The following PTPRC variants were observed in gnomAD, a reference collection of about 807,000 sequenced individuals.
PTPRC encodes receptor-type tyrosine-protein phosphatase C.
In PTPRC, 44 loss-of-function variants were observed where a neutral mutation model predicts 155.9. The ratio of observed to expected loss-of-function variants is 0.28; its 90% CI spans 0.22 to 0.36. The LOEUF is 0.36. Among genes scored for constraint, PTPRC ranks in the 10% least tolerant of loss-of-function variants. The pLI is 1.00. For synonymous variants in PTPRC, 525 were observed against 533.1 expected (o/e 0.98, Z 0.21); for missense variants, 1,401 against 1,564.6 (o/e 0.90, Z 1.76).
chr1:198,662,763 C>A (rs1664050459), intron 2 of PTPRC, among the ~76,000 whole-genome samples: 1 of 152,070 alleles, frequency 6.6e-6, no homozygotes, highest in Non-Finnish European at 1.5e-5. Context: ...CTATAGATAC[C>A]CTTAGCTATT....
chr1:198,726,980 A>G (rs2102469976), intron 15 of PTPRC, among the ~76,000 whole-genome samples: 1 of 150,118 alleles, frequency 6.7e-6, no homozygotes, highest in South Asian at 2.1e-4. Flanking sequence ...CTCATCCCTT[A>G]GCCTCCCAAG....
In PTPRC at chr1:198,696,790, C is replaced by G. The variant is rs1558004428; in HGVS notation, c.179C>G (p.Ala60Gly). The change falls in exon 4 of 33, where the codon GCA (alanine) becomes GGA (glycine). Residue 60 changes from alanine to glycine, a missense_variant. Physicochemically the swap from Ala to Gly is moderately conservative, Grantham distance 60. Around this residue, in one of 3 missense-constraint regions of PTPRC, gnomAD observed 867 missense variants for 970.4 expected, o/e 0.89. Coordinates refer to ENST00000442510, the MANE Select transcript of PTPRC (RefSeq NM_002838.5). ...LPTHTTAFSP[A>G]STFERENDFS... ...ACTCACACCACTGCATTCTCACCCG[C>G]AAGCACCTTTGAAAGAGAAAATGAC... 1.2e-6 allele frequency: 2 copies of G among 1,614,072 alleles called. No individual in the cohort carries two copies. The highest frequency in any genetic ancestry group is 1.7e-5 in the Admixed American group (1 of 60,024).
At chr1:198,673,265 C>T (rs1247783914) in intron 2 of PTPRC, among the ~76,000 whole-genome samples, 1 of 152,146 alleles carries the variant, frequency 6.6e-6, no homozygotes, top group Admixed American at 6.5e-5. Flanking sequence ...TGCACTTACT[C>T]ATTGTAATGT....
rs148811970 is a variant in PTPRC, at chr1:198,722,460, A to G, written c.1704A>G (p.Leu568=). 867 of 1,465,424 alleles carry G rather than the reference A, an allele frequency of 5.9e-4. 6 individuals carry two copies. Among genetic ancestry groups the G allele is most frequent in the Non-Finnish European group, 2.1e-4 (230 of 1,100,254 alleles). 90.8% of individuals were successfully genotyped at this position (1,465,424 alleles called of 1,614,324 possible). A position where few individuals can be genotyped will look rare whatever the true frequency, so the allele number is the denominator to read the frequency against. Residue 568 remains leucine (L), a synonymous_variant, in exon 15 of 33, where the codon TTA becomes TTG. Coordinates refer to ENST00000442510, the MANE Select transcript of PTPRC (RefSeq NM_002838.5). ...ACTATCCTGGAGAACCCTTTATTTT[A>G]CATCATTCAACATCTTGTAAGTTAT... ...NGDYPGEPFI[L]HHSTSYNSKA...
intron 26 of PTPRC, among the ~76,000 whole-genome samples, chr1:198,746,848 T>C (rs1223150894): frequency 6.6e-6 from 1 of 151,824 alleles, no homozygotes; most frequent in African/African-American, 2.4e-5. Context: ...CATCTGGTCC[T>C]TCATGCAGCT....
Position 198,699,682 on chromosome 1 carries a change from C to G in PTPRC, c.417C>G (p.Thr139=). 1.2e-6 allele frequency: 2 copies of G among 1,614,148 alleles called. No homozygotes were observed. The highest frequency in any genetic ancestry group is 1.7e-6 in the Non-Finnish European group (2 of 1,180,036). Residue 139 remains threonine, a synonymous_variant, in exon 5 of 33, where the codon ACC becomes ACG. Coordinates refer to ENST00000442510, the MANE Select transcript of PTPRC (RefSeq NM_002838.5). ...CCGCCAATGCAAAACTCAACCCTAC[C>G]CCAGGCAGCAATGCTATCTCAGGTT... ...GSAANAKLNP[T]PGSNAISDVP...
chr1:198,752,723 T>G lies in PTPRC; in HGVS notation c.3460T>G (p.Ser1154Ala), dbSNP rs1655442748. The G allele has an allele frequency of 6.2e-7, 1 of 1,612,814 alleles. No homozygotes were observed. Among genetic ancestry groups the G allele is most frequent in the Admixed American group, 1.7e-5 (1 of 59,834 alleles). ...VKQKLPQKNS[S>A]EGNKHHKSTP... ...ACAAAAACTTCCCCAGAAGAATTCCTCTGAAGGGAACAAGCATCACAAGAG... is the reference window on the plus strand; with the variant it reads ...ACAAAAACTTCCCCAGAAGAATTCCGCTGAAGGGAACAAGCATCACAAGAG... Residue 1154 changes from serine to alanine, a missense_variant, in exon 31 of 33, where the codon TCT becomes GCT. Coordinates refer to ENST00000442510, the MANE Select transcript of PTPRC (RefSeq NM_002838.5).
At chr1:198,742,082 A>G in intron 24 of PTPRC, 56 bp downstream of exon 24, 1 of 1,605,214 alleles carries the variant, frequency 6.2e-7, no homozygotes, top group East Asian at 2.2e-5. Context: ...AACAGAATCC[A>G]CCTGCCTAGG....
At chr1:198,692,770 CAT>C in intron 3 of PTPRC, 2 of 918,228 alleles carry the variant, frequency 2.2e-6, no homozygotes, top group Non-Finnish European at 2.6e-6. Context: ...AACAGATTTG[CAT>C]ATGTCTATAT....
rs191867796 is a variant in PTPRC at position 198,750,486 on chromosome 1, A to G, written c.3073-6A>G. 589 of 1,611,656 alleles carry G rather than the reference A, an allele frequency of 3.7e-4. 2 individuals carry two copies. Among genetic ancestry groups the G allele is most frequent in the Middle Eastern group, 1.7e-3 (10 of 6,040 alleles). ...ACGAAGTCCCACCCTTTTTTTGTCT[A>G]AAAAGAGCTACTGGAAACCTGAAGT... On this transcript the variant is annotated splice_polypyrimidine_tract_variant and splice_region_variant and intron_variant, in intron 28 of 32. Coordinates refer to ENST00000442510, the MANE Select transcript of PTPRC (RefSeq NM_002838.5).
intron 12 of PTPRC, among the ~76,000 whole-genome samples, chr1:198,714,785 A>G (rs1653491114): frequency 6.6e-6 from 1 of 152,224 alleles, no homozygotes; most frequent in South Asian, 2.1e-4. Flanking sequence ...TAAAATTACT[A>G]TTAAAAATCC....
At position 198,703,354 on chromosome 1, in the gene PTPRC, A is replaced by G. The variant is rs139323040; in HGVS notation, c.640A>G (p.Ile214Val). 5.6e-6 allele frequency: 9 copies of G among 1,613,014 alleles called. No homozygotes were observed. The African/African-American group carries it at 1.2e-4, about 22-fold the overall frequency. The change falls in exon 7 of 33, where the codon ATT becomes GTT. Residue 214 changes from isoleucine (I) to valine (V), a missense_variant. This residue lies in a region of PTPRC where 867 missense variants were observed against 970.4 expected (regional missense o/e 0.89). Transcript: ENST00000442510. ...TCTGAGCCCTTCTGGAAGCGCTGTC[A>G]TTTCAACCACAACAATAGGTGATAT... ...TTLSPSGSAV[I>V]STTTIATTPS... is the part of the protein sequence containing the mutation.
In PTPRC at chr1:198,718,189, G is replaced by C; in HGVS notation, c.1546G>C (p.Glu516Gln). 1 of 1,613,786 alleles carries C rather than the reference G, an allele frequency of 6.2e-7. No individual in the cohort carries two copies. Among genetic ancestry groups the C allele is most frequent in the Non-Finnish European group, 8.5e-7 (1 of 1,179,730 alleles). The change falls in exon 14 of 33, where the codon GAA becomes CAA. Residue 516 changes from glutamate (E) to glutamine (Q), a missense_variant. Coordinates refer to ENST00000442510, the MANE Select transcript of PTPRC (RefSeq NM_002838.5). ...RPPRDRNGPH[E>Q]RYHLEVEAGN... ...TCCCAGGGACCGTAATGGCCCCCAT[G>C]AACGTTACCATTTGGAAGTTGAAGC...
chr1:198,655,691 T>C (rs923719111), intron 2 of PTPRC, among the ~76,000 whole-genome samples: 7 of 152,040 alleles, frequency 4.6e-5, no homozygotes, highest in African/African-American at 1.4e-4. Flanking sequence ...GACAATCTAG[T>C]TGGAGAACTG....
rs73087371 is a variant in PTPRC, at chr1:198,755,759, A to C, written c.3646-147A>C. On this transcript the variant is annotated intron_variant, in intron 32 of 32. Transcript: ENST00000442510. ...ACCATAAAGAAACTAAATTATTTAGATGTTTTTATGAGAACATATCAAAAA... is the reference window on the plus strand; with the variant it reads ...ACCATAAAGAAACTAAATTATTTAGCTGTTTTTATGAGAACATATCAAAAA... 1.6e-3 allele frequency: 1,357 copies of C among 865,382 alleles called. 19 individuals carry two copies. In the African/African-American group the frequency reaches 0.02, roughly 12 times the overall value. The allele number at this position is 865,382 out of a possible 1,614,324, so 53.6% of individuals were successfully genotyped here. A position where few individuals can be genotyped will look rare whatever the true frequency, so the allele number is the denominator to read the frequency against.
At chr1:198,669,688 C>A (rs775374165) in intron 2 of PTPRC, among the ~76,000 whole-genome samples, 9 of 152,108 alleles carry the variant, frequency 5.9e-5, no homozygotes, top group Non-Finnish European at 1.3e-4. Context: ...CTCCCAGACC[C>A]CTTCTTTCCC....
intron 2 of PTPRC, among the ~76,000 whole-genome samples, chr1:198,645,657 A>T (rs528155881): frequency 6.6e-6 from 1 of 151,944 alleles, no homozygotes; most frequent in East Asian, 1.9e-4. Flanking sequence ...ATAGCCTTTT[A>T]GCATAAACTT....
chr1:198,674,203 G>A (rs924684150), intron 2 of PTPRC, among the ~76,000 whole-genome samples: 5 of 152,036 alleles, frequency 3.3e-5, no homozygotes, highest in Non-Finnish European at 2.9e-5. Context: ...CACTTGGAGC[G>A]GCATCTGATG....
intron 2 of PTPRC, among the ~76,000 whole-genome samples, 167 bp from the exon 3 acceptor site, chr1:198,692,180 G>T (rs1468891143): frequency 2.0e-5 from 3 of 151,978 alleles, no homozygotes; most frequent in Non-Finnish European, 1.5e-5. Flanking sequence ...TGTAAACATG[G>T]TACTAAGAGA....
Sources: gnomAD v4.1 joint callset for allele counts (sites outside exome capture counted in the v4.1 genomes callset) on GRCh38, gnomAD v4.1.1 for gene constraint, gnomAD v4.1.1 regional missense constraint, MANE v1.5 for transcripts, NCBI Gene and HGNC (gene_info 2026-07-23, HGNC 2026-07-21) for gene names.